FAM107B: variants seen among roughly 807,000 people sequenced by gnomAD.
FAM107B encodes family with sequence similarity 107 member B.
In FAM107B, 21 loss-of-function variants were observed where a neutral mutation model predicts 31.5. The ratio of observed to expected loss-of-function variants is 0.67; its 90% CI spans 0.47 to 0.96. The LOEUF is 0.96. Ranked by LOEUF, FAM107B falls within the 40% of genes least tolerant of loss-of-function variation. The pLI, the probability that FAM107B is intolerant of heterozygous loss-of-function variation, is 0.00. For synonymous variants in FAM107B, 157 were observed against 141.5 expected (o/e 1.11, Z -0.78); for missense variants, 452 against 377.1 (o/e 1.20, Z -1.64).
chr10:14,597,574 G>A (rs1338172076), intron 2 of FAM107B, among the ~76,000 whole-genome samples: 1 of 152,200 alleles, frequency 6.6e-6, no homozygotes, highest in Non-Finnish European at 1.5e-5. Context: ...TGAGGAGCAG[G>A]TGGGGACAAG....
chr10:14,761,972 G>T (rs750492345), intron 1 of FAM107B, among the ~76,000 whole-genome samples: 5 of 152,110 alleles, frequency 3.3e-5, no homozygotes, highest in Non-Finnish European at 7.4e-5. Flanking sequence ...GGGTAGTTAG[G>T]TCTATCCTTG....
intron 2 of FAM107B, among the ~76,000 whole-genome samples, chr10:14,575,751 A>G (rs1851445699): frequency 6.6e-6 from 1 of 152,198 alleles, no homozygotes; most frequent in African/African-American, 2.4e-5. Flanking sequence ...ACAAAACAAT[A>G]CAAATACCCC....
chr10:14,743,639 G>T (rs1486488708), intron 1 of FAM107B, among the ~76,000 whole-genome samples: 1 of 152,162 alleles, frequency 6.6e-6, no homozygotes, highest in African/African-American at 2.4e-5. Flanking sequence ...GTTTTTGTCA[G>T]GTTTGTTGAA....
In FAM107B at chr10:14,746,455, T is replaced by C. The variant is rs560491769; in HGVS notation, c.411+27798A>G. On this transcript the variant is annotated intron_variant, in intron 1 of 4. Coordinates refer to ENST00000181796, the MANE Select transcript of FAM107B (RefSeq NM_031453.4). ...AATGCTTTTTCCTTTCCATATTTAG[T>C]GCTTCCTTCAGGAGCTCTTGCAAGG... Among the ~76,000 whole-genome samples, 9 of 152,356 alleles carry C rather than the reference T, an allele frequency of 5.9e-5. No individual in the cohort carries two copies. In the South Asian group the frequency reaches 1.9e-3, roughly 32 times the overall value.
chr10:14,690,483 T>A, intron 1 of FAM107B, among the ~76,000 whole-genome samples: 1 of 151,984 alleles, frequency 6.6e-6, no homozygotes, highest in East Asian at 1.9e-4. Context: ...AGATGGAGTC[T>A]CGCTCTGTCG....
At chr10:14,525,609 G>A (rs1259398885) in intron 3 of FAM107B, among the ~76,000 whole-genome samples, 2 of 152,084 alleles carry the variant, frequency 1.3e-5, no homozygotes, top group Non-Finnish European at 2.9e-5. Flanking sequence ...ACCAACAGTT[G>A]GGTCTATGTT....
intron 1 of FAM107B, among the ~76,000 whole-genome samples, chr10:14,765,241 A>G (rs541545324): frequency 6.6e-6 from 1 of 152,296 alleles, no homozygotes; most frequent in East Asian, 1.9e-4. Context: ...CTCATCTTTT[A>G]TGTCTTAGCT....
intron 1 of FAM107B, among the ~76,000 whole-genome samples, chr10:14,764,546 G>T (rs1055534867): frequency 3.3e-5 from 5 of 152,264 alleles, no homozygotes; most frequent in African/African-American, 1.2e-4. Context: ...CTTCCCTGGT[G>T]CAGAATTACA....
chr10:14,673,360 T>C (rs752757178), intron 1 of FAM107B, among the ~76,000 whole-genome samples: 3 of 152,320 alleles, frequency 2.0e-5, no homozygotes, highest in Non-Finnish European at 4.4e-5. Flanking sequence ...CTTTTTCAGC[T>C]CTCACATATG....
At chr10:14,690,854 C>A (rs1295445149) in intron 1 of FAM107B, among the ~76,000 whole-genome samples, 1 of 152,134 alleles carries the variant, frequency 6.6e-6, no homozygotes, top group African/African-American at 2.4e-5. Context: ...TCAGGGAGAA[C>A]AGGATGCAAA....
intron 1 of FAM107B, among the ~76,000 whole-genome samples, chr10:14,707,524 C>T (rs1214382389): frequency 2.0e-5 from 3 of 152,128 alleles, no homozygotes; most frequent in Non-Finnish European, 4.4e-5. Flanking sequence ...AGAGGTGAAT[C>T]CATGACTGCA....
intron 2 of FAM107B, among the ~76,000 whole-genome samples, chr10:14,577,484 G>T (rs953766614): frequency 6.6e-6 from 1 of 152,128 alleles, no homozygotes; most frequent in African/African-American, 2.4e-5. Context: ...ATATAAACTT[G>T]CATAGTACGA....
Position 14,761,363 on chromosome 10 carries a change from T to A in FAM107B, c.411+12890A>T, listed in dbSNP as rs544866230. ...ATGCTAAAAGAGCATTTAATATTTATCTCATTTCTGTGGCTTATTGTTAAA... is the reference window on the plus strand; with the variant it reads ...ATGCTAAAAGAGCATTTAATATTTAACTCATTTCTGTGGCTTATTGTTAAA... On this transcript the variant is annotated intron_variant, in intron 1 of 4. Coordinates refer to ENST00000181796, the MANE Select transcript of FAM107B (RefSeq NM_031453.4). Among the ~76,000 whole-genome samples, 39 of 152,334 alleles carry A rather than the reference T, an allele frequency of 2.6e-4. No homozygotes were observed. In the South Asian group the frequency reaches 7.5e-3, roughly 29 times the overall value.
intron 2 of FAM107B, among the ~76,000 whole-genome samples, chr10:14,546,077 C>G (rs78976630): frequency 6.6e-6 from 1 of 152,220 alleles, no homozygotes; most frequent in Admixed American, 6.5e-5. Context: ...CAAACTAATA[C>G]TTTCAAAAGA....
chr10:14,756,914 A>G (rs528046554), intron 1 of FAM107B, among the ~76,000 whole-genome samples: 9 of 152,332 alleles, frequency 5.9e-5, no homozygotes, highest in African/African-American at 2.2e-4. Flanking sequence ...ACAAGAACAG[A>G]AAACCAAATA....
At chr10:14,555,083 T>C (rs1386130534) in intron 2 of FAM107B, among the ~76,000 whole-genome samples, 3 of 152,256 alleles carry the variant, frequency 2.0e-5, no homozygotes, top group Non-Finnish European at 4.4e-5. Flanking sequence ...CTCTTTGTTT[T>C]ACATTATAAA....
chr10:14,640,515 A>G (rs1326582413), intron 2 of FAM107B, among the ~76,000 whole-genome samples: 4 of 152,204 alleles, frequency 2.6e-5, no homozygotes, highest in Non-Finnish European at 5.9e-5. Flanking sequence ...TCAACCCTGG[A>G]CCAACAGAGC....
intron 2 of FAM107B, among the ~76,000 whole-genome samples, chr10:14,571,093 C>T (rs1851184334): frequency 6.6e-6 from 1 of 152,030 alleles, no homozygotes; most frequent in African/African-American, 2.4e-5. Flanking sequence ...GGTGAGGGCT[C>T]CCTTCCTGAC....
intron 2 of FAM107B, among the ~76,000 whole-genome samples, chr10:14,583,096 A>G (rs949825487): frequency 2.0e-5 from 3 of 151,904 alleles, no homozygotes; most frequent in Non-Finnish European, 2.9e-5. Context: ...CAAAAAAAAA[A>G]AAAAAAAAGA....
Sources: allele counts gnomAD v4.1 joint callset (sites outside exome capture counted in the v4.1 genomes callset), GRCh38; gene constraint gnomAD v4.1.1; transcripts MANE v1.5; gene names NCBI Gene and HGNC (gene_info 2026-07-23, HGNC 2026-07-21).